Variants in TBC1D1 observed in about 807,000 individuals in gnomAD.
TBC1D1 encodes the protein TBC1 domain family member 1.
Under a neutral mutation model 125.6 loss-of-function variants are expected in TBC1D1, and 89 were observed. The ratio of observed to expected loss-of-function variants is 0.71; its 90% CI spans 0.60 to 0.85. The LOEUF (loss-of-function observed/expected upper bound fraction) is 0.85. TBC1D1 is among the 40% of genes least tolerant of loss of function. The pLI is 0.00. For synonymous variants in TBC1D1, 565 were observed against 564.1 expected (o/e 1.00, Z -0.02); for missense variants, 1,377 against 1,469.2 (o/e 0.94, Z 1.03).
At chr4:37,924,409 T>C (rs1365518653) in intron 2 of TBC1D1, among the ~76,000 whole-genome samples, 1 of 152,200 alleles carries the variant, frequency 6.6e-6, no homozygotes, top group Non-Finnish European at 1.5e-5. Flanking sequence ...ATTTTAACCA[T>C]TTTTAGGTGT....
chr4:38,095,316 T>C (rs1246914005), intron 13 of TBC1D1, among the ~76,000 whole-genome samples: 1 of 152,140 alleles, frequency 6.6e-6, no homozygotes, highest in Admixed American at 6.6e-5. Flanking sequence ...TTGATATTAC[T>C]CCCCCCTGGG....
At chr4:38,046,119 A>C (rs2152472425) in intron 10 of TBC1D1, among the ~76,000 whole-genome samples, 1 of 152,332 alleles carries the variant, frequency 6.6e-6, no homozygotes, top group South Asian at 2.1e-4. Flanking sequence ...TAATCTCAGC[A>C]CTTTGAGAGG....
At chr4:38,036,147 T>C (rs1054352506) in intron 8 of TBC1D1, among the ~76,000 whole-genome samples, 1 of 152,262 alleles carries the variant, frequency 6.6e-6, no homozygotes, top group African/African-American at 2.4e-5. Flanking sequence ...GCCTGACTTA[T>C]GTGCTATTCA....
chr4:38,084,120 G>T (rs2152529646), intron 12 of TBC1D1, among the ~76,000 whole-genome samples: 1 of 152,208 alleles, frequency 6.6e-6, no homozygotes, highest in East Asian at 1.9e-4. Flanking sequence ...TGTATTAGTA[G>T]AGACGGGGTT....
chr4:38,066,403 G>T (rs893882185), intron 12 of TBC1D1, among the ~76,000 whole-genome samples: 3 of 151,866 alleles, frequency 2.0e-5, no homozygotes, highest in African/African-American at 7.3e-5. Flanking sequence ...CACAATCATA[G>T]CTCACTGCAG....
chr4:38,132,169 G>C (rs1367750806), intron 18 of TBC1D1, among the ~76,000 whole-genome samples: 3 of 150,742 alleles, frequency 2.0e-5, no homozygotes, highest in African/African-American at 4.9e-5. Context: ...CTGAATGTGT[G>C]TTCTGATCTA....
chr4:37,892,116 T>C (rs923003774), intron 1 of TBC1D1, among the ~76,000 whole-genome samples: 2 of 152,208 alleles, frequency 1.3e-5, no homozygotes, highest in Non-Finnish European at 2.9e-5. Context: ...TTTCCCTTCA[T>C]AGATTTCTCA....
intron 2 of TBC1D1, among the ~76,000 whole-genome samples, chr4:37,959,533 C>T (rs1010030682): frequency 2.6e-5 from 4 of 152,098 alleles, no homozygotes; most frequent in Non-Finnish European, 4.4e-5. Flanking sequence ...TGGATCCATG[C>T]GACTCAATCC....
intron 18 of TBC1D1, among the ~76,000 whole-genome samples, chr4:38,130,179 TTATA>T (rs1765357457): frequency 6.6e-6 from 1 of 152,218 alleles, no homozygotes. Flanking sequence ...ATGAAGCCAG[TTATA>T]TATAGCGACA....
In TBC1D1 at chr4:37,916,918, A is replaced by G. The variant is rs143481560; in HGVS notation, c.417+14406A>G. Among the ~76,000 whole-genome samples, 961 of 151,928 alleles carry G rather than the reference A, an allele frequency of 6.3e-3. 6 individuals are homozygous for G. Among genetic ancestry groups the G allele is most frequent in the African/African-American group, 0.021 (880 of 41,452 alleles). ...CTTGAGTAGCTGGGATTAGAGGCAC[A>G]TGCTACCACGCCCAGCTAATTTTTG... On this transcript the variant is annotated intron_variant, in intron 2 of 19. Transcript: ENST00000261439.
intron 11 of TBC1D1, chr4:38,053,188 G>A: frequency 6.5e-7 from 1 of 1,529,574 alleles, no homozygotes; most frequent in Non-Finnish European, 8.8e-7. Context: ...GGCTCCTGTA[G>A]ATGAAAATAA....
intron 2 of TBC1D1, among the ~76,000 whole-genome samples, chr4:37,908,111 A>G (rs769396803): frequency 1.3e-5 from 2 of 151,996 alleles, no homozygotes; most frequent in Non-Finnish European, 2.9e-5. Context: ...TGAGATGGTA[A>G]TAGGTGGAGA....
At chr4:38,025,158 GCTCT>G (rs989053629) in intron 6 of TBC1D1, among the ~76,000 whole-genome samples, 1 of 152,104 alleles carries the variant, frequency 6.6e-6, no homozygotes, top group Admixed American at 6.6e-5. Flanking sequence ...ATTCATCACC[GCTCT>G]CTCTAACAAG....
chr4:37,983,959 G>A (rs1014495954), intron 2 of TBC1D1, among the ~76,000 whole-genome samples: 1 of 152,144 alleles, frequency 6.6e-6, no homozygotes, highest in Non-Finnish European at 1.5e-5. Flanking sequence ...ACTATTTATA[G>A]AGCATGTATA....
At position 38,021,524 on chromosome 4, in the gene TBC1D1, C is replaced by G. The variant is rs886085609; in HGVS notation, c.1078-62C>G. The G allele has an allele frequency of 5.0e-6, 7 of 1,409,276 alleles. No homozygotes were observed. In the Admixed American group the frequency reaches 1.8e-4, roughly 37 times the overall value. The allele number at this position is 1,409,276 out of a possible 1,614,324, so 87.3% of individuals were successfully genotyped here. A position where few individuals can be genotyped will look rare whatever the true frequency, so the allele number is the denominator to read the frequency against. ...ATCTTTTCCAAAGATTTTCTGACAT[C>G]TCAGCCCAGCTAATTTCAAATTGAC... On this transcript the variant is annotated intron_variant, in intron 5 of 19. Transcript: ENST00000261439.
intron 13 of TBC1D1, among the ~76,000 whole-genome samples, chr4:38,091,519 G>A (rs543369066): frequency 3.3e-5 from 5 of 152,316 alleles, no homozygotes; most frequent in South Asian, 2.1e-4. Flanking sequence ...AGTTATGTTC[G>A]TGTGTATCTT....
intron 12 of TBC1D1, among the ~76,000 whole-genome samples, chr4:38,081,120 C>A (rs1756466580): frequency 6.6e-6 from 1 of 152,146 alleles, no homozygotes; most frequent in African/African-American, 2.4e-5. Context: ...GCTGGCCCCT[C>A]ATAGGCTGTC....
intron 2 of TBC1D1, among the ~76,000 whole-genome samples, chr4:37,909,714 A>G (rs1377657244): frequency 2.0e-5 from 3 of 152,192 alleles, no homozygotes; most frequent in Admixed American, 6.5e-5. Flanking sequence ...TACACAGGTA[A>G]TGATTCTGAG....
chr4:37,914,934 C>T (rs1041118490), intron 2 of TBC1D1, among the ~76,000 whole-genome samples: 2 of 152,240 alleles, frequency 1.3e-5, no homozygotes, highest in Non-Finnish European at 2.9e-5. Flanking sequence ...ATCACTTCAT[C>T]CAGTTTTAAT....
Sources: gnomAD v4.1 joint callset for allele counts (sites outside exome capture counted in the v4.1 genomes callset) on GRCh38, gnomAD v4.1.1 for gene constraint, MANE v1.5 for transcripts, NCBI Gene and HGNC (gene_info 2026-07-23, HGNC 2026-07-21) for gene names.